NRXN3: variants seen among roughly 807,000 people sequenced by gnomAD.
NRXN3 encodes the protein neurexin 3.
Under a neutral mutation model 137.6 loss-of-function variants are expected in NRXN3, and 32 were observed. The ratio of observed to expected loss-of-function variants is 0.23; its 90% confidence interval spans 0.18 to 0.31. The LOEUF (loss-of-function observed/expected upper bound fraction) is 0.31, where lower values mean the gene tolerates loss of function less well. Among genes scored for constraint, NRXN3 ranks in the 10% least tolerant of loss-of-function variants. NRXN3 has a pLI of 1.00. For missense variants in NRXN3, 1,574 were observed against 2,062.5 expected (o/e 0.76, Z 4.59); for synonymous variants, 798 against 784.5 (o/e 1.02, Z -0.29).
intron 15 of NRXN3, among the ~76,000 whole-genome samples, chr14:79,124,280 A>T (rs1186117070): frequency 1.3e-5 from 2 of 152,164 alleles, no homozygotes; most frequent in Non-Finnish European, 2.9e-5. Context: ...GGCATCATCA[A>T]AACAAAAGGC....
intron 19 of NRXN3, among the ~76,000 whole-genome samples, chr14:79,764,166 G>GT (rs1555699698): frequency 4.4e-5 from 1 of 22,716 alleles, no homozygotes; most frequent in African/African-American, 3.3e-4. Flanking sequence ...TTTGGTGGGT[G>GT]GGGGGGGTGT....
chr14:78,649,834 CCTT>C (rs1300121923), intron 5 of NRXN3, among the ~76,000 whole-genome samples: 1 of 151,986 alleles, frequency 6.6e-6, no homozygotes, highest in Non-Finnish European at 1.5e-5. Context: ...TCTTTCTTAC[CCTT>C]CTTTTACTTT....
intron 20 of NRXN3, among the ~76,000 whole-genome samples, chr14:79,815,601 A>G (rs1226234349): frequency 6.6e-6 from 1 of 152,194 alleles, no homozygotes; most frequent in African/African-American, 2.4e-5. Context: ...TGTAAAAGAA[A>G]GGAAGGAGGA....
intron 4 of NRXN3, among the ~76,000 whole-genome samples, chr14:78,459,324 T>G (rs2094848736): frequency 6.6e-6 from 1 of 152,212 alleles, no homozygotes; most frequent in Admixed American, 6.5e-5. Context: ...AAGGCCTGCC[T>G]GGCTGTCTAT....
chr14:79,395,109 C>T (rs1410368555), intron 15 of NRXN3, among the ~76,000 whole-genome samples: 1 of 152,202 alleles, frequency 6.6e-6, no homozygotes. Flanking sequence ...TTTGGAACAA[C>T]CATCCTGTGT....
At chr14:79,463,575 T>C (rs1027377503) in intron 15 of NRXN3, among the ~76,000 whole-genome samples, 2 of 152,100 alleles carry the variant, frequency 1.3e-5, no homozygotes, top group Admixed American at 1.3e-4. Context: ...CCTGGAATAC[T>C]GTGTTGGTTA....
intron 15 of NRXN3, among the ~76,000 whole-genome samples, chr14:79,190,217 T>C (rs896339104): frequency 2.8e-5 from 4 of 141,850 alleles, no homozygotes; most frequent in African/African-American, 5.0e-5. Context: ...CTTACGGAAA[T>C]TTTTTTTTTA....
At chr14:78,843,547 G>A (rs59553734) in intron 10 of NRXN3, among the ~76,000 whole-genome samples, 19,235 of 152,036 alleles carry the variant, frequency 0.13, 1,842 homozygotes, top group African/African-American at 0.26. Flanking sequence ...ACCCTCACTT[G>A]TACAGACGTA....
intron 8 of NRXN3, among the ~76,000 whole-genome samples, chr14:78,772,622 A>G (rs891472085): frequency 6.6e-6 from 1 of 152,210 alleles, no homozygotes; most frequent in Non-Finnish European, 1.5e-5. Flanking sequence ...ATGTTTCTTA[A>G]ACTTTAATAT....
chr14:79,445,969 A>G (rs2096057705), intron 15 of NRXN3, among the ~76,000 whole-genome samples: 1 of 152,198 alleles, frequency 6.6e-6, no homozygotes, highest in Non-Finnish European at 1.5e-5. Context: ...TTTTAGGGGC[A>G]GGCCTCCTTA....
chr14:78,603,780 G>C (rs760165131), intron 4 of NRXN3, among the ~76,000 whole-genome samples: 1 of 152,144 alleles, frequency 6.6e-6, no homozygotes, highest in Non-Finnish European at 1.5e-5. Flanking sequence ...AGGATCAGGA[G>C]CACCTAGACT....
intron 20 of NRXN3, among the ~76,000 whole-genome samples, chr14:79,845,670 C>T (rs866530695): frequency 1.7e-5 from 1 of 58,132 alleles, no homozygotes; most frequent in African/African-American, 1.0e-4. Context: ...GGGAGAGAGA[C>T]GGAGACGGGG....
intron 4 of NRXN3, among the ~76,000 whole-genome samples, chr14:78,625,366 C>T (rs1156624892): frequency 1.3e-5 from 2 of 152,226 alleles, no homozygotes; most frequent in Non-Finnish European, 2.9e-5. Context: ...TTGGTAAGAT[C>T]CCACAACCAA....
intron 3 of NRXN3, among the ~76,000 whole-genome samples, chr14:78,281,704 C>A (rs2153505165): frequency 6.6e-6 from 1 of 152,258 alleles, no homozygotes; most frequent in East Asian, 1.9e-4. Flanking sequence ...ATTCTCTTAA[C>A]CCTCCATGTC....
intron 15 of NRXN3, among the ~76,000 whole-genome samples, chr14:79,113,932 C>T (rs923720237): frequency 3.9e-5 from 6 of 152,256 alleles, no homozygotes; most frequent in South Asian, 2.1e-4. Flanking sequence ...ATACTGTCCA[C>T]GCTGCTAGTC....
At chr14:78,280,111 A>T (rs141715808) in intron 3 of NRXN3, among the ~76,000 whole-genome samples, 8 of 152,320 alleles carry the variant, frequency 5.3e-5, no homozygotes, top group African/African-American at 1.9e-4. Flanking sequence ...CAGTCAACAA[A>T]TATTTATGTT....
intron 10 of NRXN3, among the ~76,000 whole-genome samples, chr14:78,956,583 G>A (rs1252779318): frequency 1.3e-5 from 2 of 152,112 alleles, no homozygotes; most frequent in Admixed American, 6.5e-5. Flanking sequence ...TAGGTATTTG[G>A]ATCCTTTTGG....
chr14:79,517,102 C>G (rs1202319965), intron 16 of NRXN3, among the ~76,000 whole-genome samples: 6 of 150,768 alleles, frequency 4.0e-5, no homozygotes, highest in South Asian at 2.1e-4. Context: ...GCCCCCCCCC[C>G]CTCAACGAAT....
rs937785712 is a variant in NRXN3 at position 78,277,816 on chromosome 14, C to T, written c.710-829C>T. Among the ~76,000 whole-genome samples, 15 of 152,212 alleles carry T rather than the reference C, an allele frequency of 9.9e-5. No individual in the cohort carries two copies. The East Asian group carries it at 1.5e-3, about 16-fold the overall frequency. On this transcript the variant is annotated intron_variant, in intron 2 of 20. Coordinates refer to ENST00000335750, the MANE Select transcript of NRXN3 (RefSeq NM_001330195.2). The stretch of plus-strand genomic sequence containing the variant: ...ATGTTGTTCATGGGGCTGATAGGCG[C>T]GAACCGTTCTTCATTTTCTGAAAGT...
Sources: allele counts gnomAD v4.1 joint callset (sites outside exome capture counted in the v4.1 genomes callset), GRCh38; gene constraint gnomAD v4.1.1; transcripts MANE v1.5; gene names NCBI Gene and HGNC (gene_info 2026-07-23, HGNC 2026-07-21).